GFRA1: variants seen among roughly 807,000 people sequenced by gnomAD.
GFRA1 encodes GDNF family receptor alpha 1.
Under a neutral mutation model 51.6 loss-of-function variants are expected in GFRA1, and 16 were observed. The ratio of observed to expected loss-of-function variants is 0.31; its 90% CI spans 0.21 to 0.47. The LOEUF is 0.47. Among genes scored for constraint, GFRA1 ranks in the 20% least tolerant of loss-of-function variants. The pLI is 1.00. For synonymous variants in GFRA1, 270 were observed against 241.3 expected (o/e 1.12, Z -1.10); for missense variants, 530 against 594.3 (o/e 0.89, Z 1.13).
intron 4 of GFRA1, among the ~76,000 whole-genome samples, chr10:116,214,843 T>C (rs1965450947): frequency 6.6e-6 from 1 of 152,214 alleles, no homozygotes; most frequent in African/African-American, 2.4e-5. Flanking sequence ...GGCAGGGATT[T>C]AGTGACTTTA....
chr10:116,271,824 T>TC (rs1376879183), intron 2 of GFRA1, among the ~76,000 whole-genome samples, 166 bp downstream of exon 2: 11 of 152,184 alleles, frequency 7.2e-5, no homozygotes, highest in African/African-American at 2.6e-4. Context: ...CGCCACCGCC[T>TC]CCCTAACCCG....
At position 116,064,097 on chromosome 10, in the gene GFRA1, C is replaced by T; in HGVS notation, c.*301G>A. ...TCATGATGATCATCATCATGATCAT[C>T]ATCATCATCGAAAACACAGCCCCAG... On this transcript the variant is annotated 3_prime_UTR_variant, in exon 11 of 11. Coordinates refer to ENST00000355422, the MANE Select transcript of GFRA1 (RefSeq NM_005264.8). 1 of 259,820 alleles carries T rather than the reference C, an allele frequency of 3.8e-6. No individual in the cohort carries two copies. Among genetic ancestry groups the T allele is most frequent in the Non-Finnish European group, 7.2e-6 (1 of 139,522 alleles). The allele number at this position is 259,820 out of a possible 1,614,324, so 16.1% of individuals were successfully genotyped here.
At chr10:116,222,370 T>C (rs1261206873) in intron 4 of GFRA1, among the ~76,000 whole-genome samples, 3 of 152,072 alleles carry the variant, frequency 2.0e-5, no homozygotes, top group African/African-American at 7.2e-5. Flanking sequence ...GGCTAATTTT[T>C]GTATTTTTAG....
intron 6 of GFRA1, among the ~76,000 whole-genome samples, chr10:116,098,900 T>C (rs1297941931): frequency 4.6e-5 from 7 of 152,222 alleles, no homozygotes; most frequent in African/African-American, 1.7e-4. Context: ...CAAAATATAC[T>C]GCTCTGAGCA....
chr10:116,243,447 C>T (rs530830095), intron 4 of GFRA1, among the ~76,000 whole-genome samples: 57 of 151,382 alleles, frequency 3.8e-4, no homozygotes, highest in African/African-American at 1.2e-3. Context: ...GTATGGTAAC[C>T]GGAAATGATA....
At chr10:116,210,047 A>T (rs958931784) in intron 5 of GFRA1, among the ~76,000 whole-genome samples, 10 of 152,146 alleles carry the variant, frequency 6.6e-5, no homozygotes, top group African/African-American at 2.4e-4. Context: ...ATAGCCAGTG[A>T]TTTGTAGATG....
At chr10:116,271,635 C>T (rs1843947546) in intron 2 of GFRA1, among the ~76,000 whole-genome samples, 1 of 152,166 alleles carries the variant, frequency 6.6e-6, no homozygotes. Flanking sequence ...TCCAAGTTTG[C>T]TCTCCCGGCC....
At chr10:116,094,004 T>C (rs1956469559) in intron 7 of GFRA1, among the ~76,000 whole-genome samples, 168 bp from the exon 8 acceptor site, 1 of 152,220 alleles carries the variant, frequency 6.6e-6, no homozygotes, top group African/African-American at 2.4e-5. Flanking sequence ...GCAATTTATC[T>C]TGAGCACATA....
intron 6 of GFRA1, among the ~76,000 whole-genome samples, chr10:116,124,940 G>T (rs527695111): frequency 2.0e-5 from 3 of 152,174 alleles, no homozygotes; most frequent in Admixed American, 6.5e-5. Context: ...TCACCTGAGA[G>T]GTATCCAGGA....
At chr10:116,183,104 T>C (rs1193109631) in intron 5 of GFRA1, among the ~76,000 whole-genome samples, 1 of 152,230 alleles carries the variant, frequency 6.6e-6, no homozygotes, top group Non-Finnish European at 1.5e-5. Context: ...GAAACATGCA[T>C]TCTTTTCCTC....
At chr10:116,184,597 C>T (rs1313112440) in intron 5 of GFRA1, among the ~76,000 whole-genome samples, 1 of 152,140 alleles carries the variant, frequency 6.6e-6, no homozygotes, top group Non-Finnish European at 1.5e-5. Flanking sequence ...GCTCACCAGG[C>T]TCTGACCTCA....
At chr10:116,197,289 A>G (rs965551479) in intron 5 of GFRA1, among the ~76,000 whole-genome samples, 2 of 152,044 alleles carry the variant, frequency 1.3e-5, no homozygotes, top group South Asian at 2.1e-4. Flanking sequence ...TACTCCTTCC[A>G]CCACATAAGG....
intron 5 of GFRA1, among the ~76,000 whole-genome samples, chr10:116,157,229 A>G (rs1382190257): frequency 6.6e-6 from 1 of 152,230 alleles, no homozygotes; most frequent in Non-Finnish European, 1.5e-5. Flanking sequence ...TATTGAGGAA[A>G]TGCTGCTGGC....
In GFRA1 at chr10:116,064,683, A is replaced by C. The variant is rs1955014701; in HGVS notation, c.1252-139T>G. On this transcript the variant is annotated intron_variant, in intron 10 of 10. Transcript: ENST00000355422. ...GACCAAGATTTTACCACTGAGACTTACATTCACTGACTTGTAGTTTTATGG... is the reference window on the plus strand; with the variant it reads ...GACCAAGATTTTACCACTGAGACTTCCATTCACTGACTTGTAGTTTTATGG... The C allele has an allele frequency of 5.7e-5, 43 of 751,218 alleles. No individual in the cohort carries two copies. The South Asian group carries it at 6.3e-4, about 11-fold the overall frequency. The allele number at this position is 751,218 out of a possible 1,614,324, so 46.5% of individuals were successfully genotyped here.
At chr10:116,094,697 C>G (rs1956501433) in intron 7 of GFRA1, among the ~76,000 whole-genome samples, 1 of 152,190 alleles carries the variant, frequency 6.6e-6, no homozygotes, top group Admixed American at 6.5e-5. Context: ...GGATCACAAA[C>G]AGAAAAATAA....
At chr10:116,191,368 TAAG>T (rs969901703) in intron 5 of GFRA1, among the ~76,000 whole-genome samples, 59 of 152,184 alleles carry the variant, frequency 3.9e-4, no homozygotes, top group African/African-American at 1.4e-3. Flanking sequence ...TGTTGCCAAA[TAAG>T]AAGCATAATT....
At chr10:116,182,656 C>T (rs746765559) in intron 5 of GFRA1, among the ~76,000 whole-genome samples, 1 of 152,234 alleles carries the variant, frequency 6.6e-6, no homozygotes, top group Non-Finnish European at 1.5e-5. Context: ...CTGCCATCTG[C>T]TTCATGTCAG....
chr10:116,240,180 C>A (rs1175291576), intron 4 of GFRA1, among the ~76,000 whole-genome samples: 1 of 152,080 alleles, frequency 6.6e-6, no homozygotes, highest in Admixed American at 6.6e-5. Flanking sequence ...AATCTTAAAT[C>A]CTCAGGACAA....
At chr10:116,096,880 C>T (rs1227126939) in intron 6 of GFRA1, 116 bp from the exon 7 acceptor site, 11 of 154,044 alleles carry the variant, frequency 7.1e-5, no homozygotes, top group Middle Eastern at 1.1e-3. Flanking sequence ...CACACGCACA[C>T]GCACACACAC....
Sources: allele counts gnomAD v4.1 joint callset (sites outside exome capture counted in the v4.1 genomes callset), GRCh38; gene constraint gnomAD v4.1.1; transcripts MANE v1.5; gene names NCBI Gene and HGNC (gene_info 2026-07-23, HGNC 2026-07-21).